The following AGBL4 variants were observed in gnomAD, a reference collection of about 807,000 sequenced individuals.
The protein encoded by AGBL4 is AGBL carboxypeptidase 4, also known as cytosolic carboxypeptidase 6.
In AGBL4, 58 loss-of-function variants were observed where a neutral mutation model predicts 66.4. The observed-to-expected ratio is 0.87, with a 90% CI of 0.71 to 1.09. AGBL4 has a LOEUF of 1.09. AGBL4 is among the 50% of genes least tolerant of loss of function. AGBL4 has a pLI of 0.00. For missense variants in AGBL4, 579 were observed against 631.0 expected, an observed-to-expected ratio of 0.92 and a Z score of 0.88; for synonymous variants, 234 against 222.9, an observed-to-expected ratio of 1.05 and a Z score of -0.44.
At chr1:49,497,948 T>A (rs1393900860) in intron 3 of AGBL4, among the ~76,000 whole-genome samples, 1 of 152,080 alleles carries the variant, frequency 6.6e-6, no homozygotes, top group Non-Finnish European at 1.5e-5. Flanking sequence ...ACATTGAATC[T>A]GCTTTTCATC....
chr1:49,465,210 T>TACACACACACACAC (rs3054630), intron 3 of AGBL4, among the ~76,000 whole-genome samples: 40 of 116,836 alleles, frequency 3.4e-4, no homozygotes, highest in African/African-American at 1.1e-3. Flanking sequence ...TACCCCTACA[T>TACACACACACACAC]ACACACACAC....
chr1:49,548,130 A>G (rs1287219558), intron 3 of AGBL4, among the ~76,000 whole-genome samples: 1 of 152,114 alleles, frequency 6.6e-6, no homozygotes, highest in Non-Finnish European at 1.5e-5. Context: ...AAAGAGAGAT[A>G]CTGATTTGTG....
At chr1:48,625,754 C>T (rs1297605580) in intron 9 of AGBL4, among the ~76,000 whole-genome samples, 1 of 151,990 alleles carries the variant, frequency 6.6e-6, no homozygotes, top group East Asian at 1.9e-4. Flanking sequence ...CAGAGTCTTT[C>T]GGGATGAAAA....
At chr1:49,849,425 T>TATTATA (rs1553133742) in intron 2 of AGBL4, among the ~76,000 whole-genome samples, 1,953 of 145,386 alleles carry the variant, frequency 0.013, 34 homozygotes, top group South Asian at 0.037. Flanking sequence ...TTATTATTAT[T>TATTATA]ATTATTATGT....
rs1040463124 is a variant in AGBL4, at chr1:49,993,808, C to A, written c.34+29955G>T. The stretch of plus-strand genomic sequence containing the variant: ...GGTGTAGATCAACACTACAACTGGC[C>A]CACAATAAGCATATAAATGGAAGCA... On this transcript the variant is annotated intron_variant, in intron 1 of 13. Coordinates refer to ENST00000371839, the MANE Select transcript of AGBL4 (RefSeq NM_032785.4). 4.3e-5 allele frequency among the ~76,000 whole-genome samples: 6 copies of A among 138,002 alleles called. No homozygotes were observed. The East Asian group carries it at 1.3e-3, about 29-fold the overall frequency. 90.5% of individuals were successfully genotyped at this position (138,002 alleles called of 152,430 possible).
intron 11 of AGBL4, among the ~76,000 whole-genome samples, chr1:48,569,807 C>T (rs149298358): frequency 1.1e-4 from 16 of 152,290 alleles, no homozygotes; most frequent in African/African-American, 1.9e-4. Context: ...CGCAACCCTC[C>T]GCCATCACCA....
At chr1:48,957,043 A>G (rs1657509078) in intron 5 of AGBL4, among the ~76,000 whole-genome samples, 2 of 152,318 alleles carry the variant, frequency 1.3e-5, no homozygotes, top group African/African-American at 4.8e-5. Context: ...TTAAAGAAAC[A>G]AAACACTACA....
intron 3 of AGBL4, among the ~76,000 whole-genome samples, chr1:49,415,847 G>A (rs531985087): frequency 1.3e-5 from 2 of 152,164 alleles, no homozygotes; most frequent in East Asian, 1.9e-4. Flanking sequence ...AAAGTCAGAA[G>A]TAGAATCAAC....
At chr1:49,303,796 G>C (rs976490807) in intron 3 of AGBL4, among the ~76,000 whole-genome samples, 2 of 152,054 alleles carry the variant, frequency 1.3e-5, no homozygotes, top group Admixed American at 1.3e-4. Context: ...CTTTTGAGAA[G>C]TGTCTGTTCA....
At chr1:49,595,472 A>G (rs1350330737) in intron 3 of AGBL4, among the ~76,000 whole-genome samples, 3 of 150,858 alleles carry the variant, frequency 2.0e-5, no homozygotes, top group Non-Finnish European at 4.5e-5. Context: ...TATTCTCTCA[A>G]TATTATTTGT....
chr1:48,746,184 C>T (rs1488466538), intron 6 of AGBL4, among the ~76,000 whole-genome samples: 3 of 152,062 alleles, frequency 2.0e-5, no homozygotes, highest in East Asian at 1.9e-4. Context: ...TATATATATT[C>T]GTATATTTAT....
At chr1:49,015,685 A>G (rs1662769131) in intron 5 of AGBL4, among the ~76,000 whole-genome samples, 1 of 151,922 alleles carries the variant, frequency 6.6e-6, no homozygotes. Context: ...AGGCCTCCTA[A>G]AGTGCTGGGA....
At chr1:49,951,766 A>C (rs1435827432) in intron 1 of AGBL4, among the ~76,000 whole-genome samples, 1 of 151,974 alleles carries the variant, frequency 6.6e-6, no homozygotes, top group African/African-American at 2.4e-5. Flanking sequence ...ATCATTTCAC[A>C]ATATATATGT....
chr1:48,705,971 A>G (rs1557891905), intron 6 of AGBL4, among the ~76,000 whole-genome samples: 1 of 152,220 alleles, frequency 6.6e-6, no homozygotes, highest in Non-Finnish European at 1.5e-5. Context: ...GCATACATAG[A>G]GAACAATAAA....
chr1:49,523,159 C>T (rs1383031963), intron 3 of AGBL4, among the ~76,000 whole-genome samples: 1 of 152,016 alleles, frequency 6.6e-6, no homozygotes, highest in African/African-American at 2.4e-5. Context: ...GCTATATTTT[C>T]ATACGAATCA....
At chr1:49,004,492 C>G (rs1022511337) in intron 5 of AGBL4, among the ~76,000 whole-genome samples, 1 of 152,138 alleles carries the variant, frequency 6.6e-6, no homozygotes, top group Non-Finnish European at 1.5e-5. Context: ...TGTCGCAGCC[C>G]CTATGGTATT....
chr1:49,550,312 T>C (rs1652851964), intron 3 of AGBL4, among the ~76,000 whole-genome samples: 2 of 152,232 alleles, frequency 1.3e-5, no homozygotes, highest in South Asian at 4.1e-4. Flanking sequence ...ACCGTTACAT[T>C]CATAGTGCTA....
At chr1:49,282,582 G>C (rs1478077701) in intron 3 of AGBL4, among the ~76,000 whole-genome samples, 1 of 152,230 alleles carries the variant, frequency 6.6e-6, no homozygotes, top group African/African-American at 2.4e-5. Context: ...CAGAAGACAG[G>C]TGATTTCTGC....
chr1:49,874,272 C>G (rs577327741), intron 1 of AGBL4, among the ~76,000 whole-genome samples: 1 of 152,124 alleles, frequency 6.6e-6, no homozygotes, highest in South Asian at 2.1e-4. Flanking sequence ...TCTTTGCAGT[C>G]TTGGAGTAGG....
Sources: allele counts gnomAD v4.1 joint callset (sites outside exome capture counted in the v4.1 genomes callset), GRCh38; gene constraint gnomAD v4.1.1; transcripts MANE v1.5; gene names NCBI Gene and HGNC (gene_info 2026-07-23, HGNC 2026-07-21).